Variants in SLC30A6 observed in about 807,000 individuals in gnomAD.
SLC30A6 encodes zinc transporter 6.
Under a neutral mutation model 63.0 loss-of-function variants are expected in SLC30A6, and 55 were observed. The observed-to-expected ratio is 0.87, with a 90% CI of 0.70 to 1.09. SLC30A6 has a LOEUF of 1.09. Ranked by LOEUF, SLC30A6 falls within the 50% of genes least tolerant of loss-of-function variation. The probability of loss-of-function intolerance (pLI) is 0.00; values close to 1 mark genes in which losing one functional copy is unlikely to be tolerated. For missense variants in SLC30A6, 587 were observed against 549.2 expected (o/e 1.07, Z -0.69); for synonymous variants, 224 against 186.1 (o/e 1.20, Z -1.66).
In SLC30A6 at chr2:32,220,375, G is replaced by C. The variant is rs141528609; in HGVS notation, c.1048G>C (p.Val350Leu). ...ALLSGPVAAN[V>L]LNFSDHHVIP... Reference sequence around the variant, plus strand: ...ATTGTCTGGGCCTGTTGCAGCCAATGTCCTAAACTTTTCAGATCATCACGT... The same window carrying C: ...ATTGTCTGGGCCTGTTGCAGCCAATCTCCTAAACTTTTCAGATCATCACGT... The change falls in exon 14 of 14, where the codon GTC becomes CTC. Residue 350 changes from valine (V) to leucine (L), a missense_variant. Transcript: ENST00000282587. 2.8e-5 allele frequency: 45 copies of C among 1,614,062 alleles called. No individual in the cohort carries two copies. Among genetic ancestry groups the C allele is most frequent in the Non-Finnish European group, 3.7e-5 (44 of 1,180,044 alleles).
In SLC30A6 at chr2:32,165,865, G is replaced by C; in HGVS notation, c.-36G>C. ...CGTTCTGGGAAAACTCGAGCACCCA[G>C]AACGGCTTCCGGCGGGAGCTGTGCA... On this transcript the variant is annotated 5_prime_UTR_variant, in exon 1 of 14. Coordinates refer to ENST00000282587, the MANE Select transcript of SLC30A6 (RefSeq NM_017964.5). 3.7e-6 allele frequency: 6 copies of C among 1,614,026 alleles called. No individual in the cohort carries two copies. The highest frequency in any genetic ancestry group is 1.3e-5 in the African/African-American group (1 of 75,062).
chr2:32,210,387 C>T (rs113368265), intron 13 of SLC30A6, among the ~76,000 whole-genome samples: 5 of 151,750 alleles, frequency 3.3e-5, no homozygotes, highest in Non-Finnish European at 7.4e-5. Flanking sequence ...GTGTGGCACA[C>T]GCCTGTAATT....
In SLC30A6 at chr2:32,197,271, A is replaced by G. The variant is rs999793190; in HGVS notation, c.497-73A>G. On this transcript the variant is annotated intron_variant, in intron 8 of 13. Transcript: ENST00000282587. ...ACTGCCAAATTTATTTTTTAAAATT[A>G]AAGAACTCAAATATTTCAGGTAGTG... 22 of 1,346,512 alleles carry G rather than the reference A, an allele frequency of 1.6e-5. No individual in the cohort carries two copies. In the East Asian group the frequency reaches 1.8e-4, roughly 11 times the overall value. The allele number at this position is 1,346,512 out of a possible 1,614,324, so 83.4% of individuals were successfully genotyped here.
At chr2:32,210,455 C>T (rs911834421) in intron 13 of SLC30A6, among the ~76,000 whole-genome samples, 1 of 133,088 alleles carries the variant, frequency 7.5e-6, no homozygotes, top group Non-Finnish European at 1.5e-5. Flanking sequence ...GCAGAGGTTG[C>T]AGTGAGCCGA....
Position 32,209,554 on chromosome 2 carries a change from G to A in SLC30A6, c.878G>A (p.Gly293Asp). 1.9e-6 allele frequency: 3 copies of A among 1,611,538 alleles called. No individual in the cohort carries two copies. Among genetic ancestry groups the A allele is most frequent in the Non-Finnish European group, 2.5e-6 (3 of 1,179,056 alleles). ...RNEHFWTLGF[G>D]SLAGSVHVRI... ...GAACATTTTTGGACCCTAGGTTTTG[G>A]CTCATTGGTATGTTCTTTTACATAT... The change falls in exon 13 of 14, where the codon GGC (glycine) becomes GAC (aspartate). Residue 293 changes from glycine to aspartate, a missense_variant. Physicochemically the swap from Gly to Asp is moderately conservative, Grantham distance 94. Transcript: ENST00000282587.
intron 12 of SLC30A6, among the ~76,000 whole-genome samples, chr2:32,208,021 A>T (rs1466230363): frequency 6.6e-6 from 1 of 150,764 alleles, no homozygotes; most frequent in Non-Finnish European, 1.5e-5. Context: ...TTTAGTAGAG[A>T]CGGGGTTTCA....
chr2:32,207,906 A>G (rs1227583715), intron 12 of SLC30A6, among the ~76,000 whole-genome samples: 19 of 135,314 alleles, frequency 1.4e-4, no homozygotes, highest in East Asian at 1.2e-3. Flanking sequence ...CACCATCTCG[A>G]CCAGGCTGGT....
In SLC30A6 at chr2:32,223,365, A is replaced by C. The variant is rs922602445; in HGVS notation, c.*2652A>C. On this transcript the variant is annotated 3_prime_UTR_variant, in exon 14 of 14. Transcript: ENST00000282587. ...AAGTCACCATATTATAATAGGAAAA[A>C]CACTGCCTAGGAGGCAAGAGATCTG... 3.3e-5 allele frequency: 5 copies of C among 152,356 alleles called. No homozygotes were observed. Among genetic ancestry groups the C allele is most frequent in the African/African-American group, 1.2e-4 (5 of 41,578 alleles). The allele number at this position is 152,356 out of a possible 1,614,324, so 9.4% of individuals were successfully genotyped here.
At chr2:32,190,133 T>G (rs1329166467) in intron 5 of SLC30A6, among the ~76,000 whole-genome samples, 1 of 152,130 alleles carries the variant, frequency 6.6e-6, no homozygotes, top group Admixed American at 6.6e-5. Context: ...TTGCCCTTCT[T>G]TCTCTTAATG....
rs760576412 is a variant in SLC30A6 at position 32,171,392 on chromosome 2, C to T, written c.90+19C>T. ...CCGAAGGGTAAGTTATTCCTTAACC[C>T]CAATTTTAATTATTGCACAAACAAC... On this transcript the variant is annotated intron_variant, in intron 2 of 13. Coordinates refer to ENST00000282587, the MANE Select transcript of SLC30A6 (RefSeq NM_017964.5). The T allele has an allele frequency of 1.9e-6, 3 of 1,588,016 alleles. No homozygotes were observed. The highest frequency in any genetic ancestry group is 1.7e-5 in the Admixed American group (1 of 59,702).
At chr2:32,203,125 T>G in intron 10 of SLC30A6, 1 of 1,297,796 alleles carries the variant, frequency 7.7e-7, no homozygotes, top group Admixed American at 1.7e-5. Context: ...TTTAAAGTTT[T>G]GGTGGCAACC....
intron 11 of SLC30A6, among the ~76,000 whole-genome samples, chr2:32,205,256 TA>T (rs935896118): frequency 1.3e-5 from 2 of 151,854 alleles, no homozygotes; most frequent in African/African-American, 2.4e-5. Flanking sequence ...CTGTCTCTAC[TA>T]AAAAAATACA....
At chr2:32,199,042 A>G (rs571917630) in intron 10 of SLC30A6, among the ~76,000 whole-genome samples, 1 of 152,266 alleles carries the variant, frequency 6.6e-6, no homozygotes, top group Admixed American at 6.5e-5. Context: ...GTCTCTAGGA[A>G]TTTGACTTCT....
intron 10 of SLC30A6, chr2:32,203,908 CA>C: frequency 1.1e-6 from 1 of 878,444 alleles, no homozygotes; most frequent in Non-Finnish European, 1.9e-6. Context: ...ACAGAGTCCA[CA>C]AGGGAGTCGC....
intron 12 of SLC30A6, among the ~76,000 whole-genome samples, chr2:32,208,656 G>A (rs751901148): frequency 5.0e-4 from 69 of 138,394 alleles, no homozygotes; most frequent in Middle Eastern, 6.9e-3. Flanking sequence ...GCAGTGCCGT[G>A]TTCTCTGCTT....
chr2:32,218,635 C>T (rs550294840), intron 13 of SLC30A6, among the ~76,000 whole-genome samples: 192 of 152,254 alleles, frequency 1.3e-3, no homozygotes, highest in Non-Finnish European at 1.8e-3. Context: ...CTGCTCTCTG[C>T]AACGTCTGCC....
chr2:32,181,865 C>CT (rs750996784), intron 4 of SLC30A6, among the ~76,000 whole-genome samples: 54 of 148,736 alleles, frequency 3.6e-4, no homozygotes, highest in Non-Finnish European at 5.6e-4. Context: ...GAGACTCCGT[C>CT]TCAAAAAAAA....
At chr2:32,201,913 G>T in intron 10 of SLC30A6, 2 of 1,477,808 alleles carry the variant, frequency 1.4e-6, no homozygotes, top group South Asian at 1.2e-5. Context: ...TAAAATGAAA[G>T]AGAAGCTAAA....
chr2:32,196,177 T>C (rs1683770755), intron 8 of SLC30A6, among the ~76,000 whole-genome samples: 1 of 152,054 alleles, frequency 6.6e-6, no homozygotes, highest in Non-Finnish European at 1.5e-5. Context: ...TAGCCGGGCA[T>C]GGTGGCAGGC....
Sources: gnomAD v4.1 joint callset for allele counts (sites outside exome capture counted in the v4.1 genomes callset) on GRCh38, gnomAD v4.1.1 for gene constraint, MANE v1.5 for transcripts, NCBI Gene and HGNC (gene_info 2026-07-23, HGNC 2026-07-21) for gene names.